ACAT1: variants seen among roughly 807,000 people sequenced by gnomAD.
ACAT1 encodes acetyl-CoA acetyltransferase, mitochondrial.
ACAT1 carries 28 observed loss-of-function variants against 47.3 expected under a neutral mutation model. The ratio of observed to expected loss-of-function variants is 0.59; its 90% CI spans 0.44 to 0.81. The LOEUF (loss-of-function observed/expected upper bound fraction) is 0.81, where lower values mean the gene tolerates loss of function less well. Ranked by LOEUF, ACAT1 falls within the 30% of genes least tolerant of loss-of-function variation. The pLI, the probability that ACAT1 is intolerant of heterozygous loss-of-function variation, is 0.00. For synonymous variants in ACAT1, 181 were observed against 173.6 expected (o/e 1.04, Z -0.34); for missense variants, 469 against 524.3 (o/e 0.89, Z 1.03).
chr11:108,131,372 T>TTTTTTTTTTTTTTTTTA lies in ACAT1; in HGVS notation c.73-535_73-534insTTTTTTTTTTTTTTTTA, dbSNP rs1555031491. Among the ~76,000 whole-genome samples the TTTTTTTTTTTTTTTTTA allele has an allele frequency of 4.8e-4, 68 of 142,444 alleles. 2 individuals are homozygous for TTTTTTTTTTTTTTTTTA. Among genetic ancestry groups the TTTTTTTTTTTTTTTTTA allele is most frequent in the African/African-American group, 1.8e-3 (68 of 38,374 alleles). The allele number at this position is 142,444 out of a possible 152,430, so 93.4% of individuals were successfully genotyped here. A position where few individuals can be genotyped will look rare whatever the true frequency, so the allele number is the denominator to read the frequency against. Reference sequence around the variant, plus strand: ...ACTTGGAATTTTTTTTTTTTTTTTTTAGACAGTCTTGCTTTGTTGCCAAGG... The same window carrying TTTTTTTTTTTTTTTTTA: ...ACTTGGAATTTTTTTTTTTTTTTTTTTTTTTTTTTTTTTTTTAAGACAGTCTTGCTTTGTTGCCAAGG... On this transcript the variant is annotated intron_variant, in intron 1 of 11. Coordinates refer to ENST00000265838, the MANE Select transcript of ACAT1 (RefSeq NM_000019.4).
At chr11:108,121,455 G>A, upstream of ACAT1, 4 of 860,170 alleles carry the variant, frequency 4.7e-6, no homozygotes, top group South Asian at 1.5e-5. Context: ...GCTCCGCCCC[G>A]CCCTTGGCTG....
intron 1 of ACAT1, among the ~76,000 whole-genome samples, chr11:108,130,582 C>T (rs1015313052): frequency 1.1e-4 from 16 of 151,834 alleles, no homozygotes; most frequent in African/African-American, 1.9e-4. Flanking sequence ...CTAGTAGAGA[C>T]GGGGTTTGAC....
intron 9 of ACAT1, chr11:108,142,785 T>G: frequency 2.0e-6 from 1 of 502,678 alleles, no homozygotes; most frequent in Admixed American, 3.1e-5. Context: ...TGCAGTGAAC[T>G]GAGATTGTAC....
At chr11:108,141,162 A>C (rs1293481182) in intron 7 of ACAT1, among the ~76,000 whole-genome samples, 1 of 152,034 alleles carries the variant, frequency 6.6e-6, no homozygotes, top group Non-Finnish European at 1.5e-5. Flanking sequence ...CAGGAGTCCG[A>C]GGCTGCAGTG....
intron 11 of ACAT1, among the ~76,000 whole-genome samples, chr11:108,146,731 T>C (rs2077718539): frequency 6.6e-6 from 1 of 152,202 alleles, no homozygotes; most frequent in African/African-American, 2.4e-5. Flanking sequence ...TTATCCCACA[T>C]CCCTCTTCCA....
chr11:108,142,606 G>A (rs772999393), intron 9 of ACAT1, 56 bp downstream of exon 9: 7 of 1,402,422 alleles, frequency 5.0e-6, no homozygotes, highest in Middle Eastern at 1.9e-4. Flanking sequence ...GGAGGTTGAG[G>A]TGGGAGGATT....
At chr11:108,119,991 C>T (rs557658686), upstream of ACAT1, among the ~76,000 whole-genome samples, 8 of 152,100 alleles carry the variant, frequency 5.3e-5, no homozygotes, top group South Asian at 1.5e-3. Context: ...CTAGTGGGGG[C>T]GGATTGCGTG....
At chr11:108,134,380 C>T in intron 4 of ACAT1, 64 bp downstream of exon 4, 2 of 1,326,810 alleles carry the variant, frequency 1.5e-6, no homozygotes, top group Non-Finnish European at 2.2e-6. Flanking sequence ...TGCGGTGGCT[C>T]ATGCCTGTAA....
At chr11:108,121,740 G>A (rs1032759267) in intron 1 of ACAT1, 62 bp downstream of exon 1, 74 of 1,522,232 alleles carry the variant, frequency 4.9e-5, no homozygotes, top group Non-Finnish European at 5.8e-5. Context: ...CGCCTCGGAA[G>A]CTTCCAGCCC....
At chr11:108,142,643 C>T (rs931814601) in intron 9 of ACAT1, 93 bp downstream of exon 9, 9 of 993,086 alleles carry the variant, frequency 9.1e-6, no homozygotes, top group Non-Finnish European at 9.5e-6. Context: ...TCGAAATCAG[C>T]CTGGGCAATA....
In ACAT1 at chr11:108,146,292, A is replaced by G. The variant is rs1565297833; in HGVS notation, c.1096A>G (p.Met366Val). The G allele has an allele frequency of 2.5e-6, 4 of 1,614,064 alleles. No homozygotes were observed. Among genetic ancestry groups the G allele is most frequent in the Admixed American group, 3.3e-5 (2 of 60,028 alleles). ...TCTGGTTGTACTAGCAAACATTAAA[A>G]TGTTGGAGATTGATCCCCAAAAAGT... is the stretch of plus-strand genomic sequence containing the variant. ...FSLVVLANIK[M>V]LEIDPQKVNI... The change falls in exon 11 of 12, where the codon ATG becomes GTG. Residue 366 changes from methionine (M) to valine (V), a missense_variant. Coordinates refer to ENST00000265838, the MANE Select transcript of ACAT1 (RefSeq NM_000019.4).
At chr11:108,124,173 G>GT (rs2077205470) in intron 1 of ACAT1, among the ~76,000 whole-genome samples, 1 of 152,150 alleles carries the variant, frequency 6.6e-6, no homozygotes, top group African/African-American at 2.4e-5. Flanking sequence ...CGCTTCTGCT[G>GT]GGATCCTGAC....
intron 4 of ACAT1, among the ~76,000 whole-genome samples, 198 bp from the exon 5 acceptor site, chr11:108,134,944 C>CAAA (rs56229925): frequency 1.6e-4 from 13 of 81,346 alleles, no homozygotes; most frequent in African/African-American, 5.8e-4. Flanking sequence ...GACTCCGTCT[C>CAAA]AAAAAAAAAA....
chr11:108,144,743 AGAG>A (rs2077669591), intron 10 of ACAT1, among the ~76,000 whole-genome samples: 3 of 152,148 alleles, frequency 2.0e-5, no homozygotes, highest in South Asian at 4.1e-4. Flanking sequence ...AAACAAGAAT[AGAG>A]AAGATCAGAA....
chr11:108,119,837 A>C (rs139931879), upstream of ACAT1, among the ~76,000 whole-genome samples: 202 of 152,326 alleles, frequency 1.3e-3, 1 homozygote, highest in East Asian at 0.014. Context: ...TGTTGAATAG[A>C]GAGGTTCTTC....
At chr11:108,121,454 C>A, upstream of ACAT1, 1 of 853,804 alleles carries the variant, frequency 1.2e-6, no homozygotes, top group Non-Finnish European at 1.9e-6. Context: ...GGCTCCGCCC[C>A]GCCCTTGGCT....
rs1318268067 is a variant in ACAT1 at position 108,121,667 on chromosome 11, AGGCTGGTGCAGGTGAGCGG to A, written c.64_72+10del. The A allele has an allele frequency of 2.6e-6, 4 of 1,548,526 alleles. No homozygotes were observed. In the East Asian group the frequency reaches 7.3e-5, roughly 28 times the overall value. ...CCGCAGCCGCAGCCCCCTGCTCCGG[AGGCTGGTGCAGGTGAGCGG>A]GGTTCGTCCCCACAGCACTCAGACC... On this transcript the variant is annotated splice_donor_variant and splice_donor_5th_base_variant and coding_sequence_variant and intron_variant, in exon 1 of 12. Coordinates refer to ENST00000265838, the MANE Select transcript of ACAT1 (RefSeq NM_000019.4). LOFTEE classifies it high-confidence loss of function.
chr11:108,138,320 A>G (rs943719755), intron 5 of ACAT1, among the ~76,000 whole-genome samples: 13 of 133,596 alleles, frequency 9.7e-5, no homozygotes, highest in African/African-American at 3.4e-4. Flanking sequence ...CTGGTTGTGA[A>G]CTTTTGAGAC....
At chr11:108,134,919 T>C (rs866972989) in intron 4 of ACAT1, among the ~76,000 whole-genome samples, 3 of 120,796 alleles carry the variant, frequency 2.5e-5, no homozygotes, top group African/African-American at 9.8e-5. Flanking sequence ...CACGCCAGCT[T>C]GGGGGACAGA....
Sources: allele counts gnomAD v4.1 joint callset (sites outside exome capture counted in the v4.1 genomes callset), GRCh38; gene constraint gnomAD v4.1.1; transcripts MANE v1.5; gene names NCBI Gene and HGNC (gene_info 2026-07-23, HGNC 2026-07-21).